FHIP1A: variants seen among roughly 807,000 people sequenced by gnomAD.
FHIP1A encodes the protein FHF complex subunit HOOK-interacting protein 1A.
Under a neutral mutation model 88.6 loss-of-function variants are expected in FHIP1A, and 61 were observed. The observed-to-expected ratio is 0.69, with a 90% CI of 0.56 to 0.85. The LOEUF (loss-of-function observed/expected upper bound fraction) is 0.85. Among genes scored for constraint, FHIP1A ranks in the 40% least tolerant of loss-of-function variants. FHIP1A has a pLI of 0.00. For synonymous variants in FHIP1A, 478 were observed against 496.0 expected, an observed-to-expected ratio of 0.96 and a Z score of 0.48; for missense variants, 1,154 against 1,273.5, an observed-to-expected ratio of 0.91 and a Z score of 1.43.
rs187152765 is a variant in FHIP1A, at chr4:151,587,647, C to A, written c.891+848C>A. Among the ~76,000 whole-genome samples, 856 of 151,690 alleles carry A rather than the reference C, an allele frequency of 5.6e-3. 6 individuals are homozygous for A. The highest frequency in any genetic ancestry group is 7.0e-3 in the Non-Finnish European group (474 of 67,876). ...TTATCATTTAGCATTAGGTATATCT[C>A]CTAAGAAATCAAGTTTTCTTTATAG... is the stretch of plus-strand genomic sequence containing the variant. On this transcript the variant is annotated intron_variant, in intron 6 of 13. Coordinates refer to ENST00000435205, the MANE Select transcript of FHIP1A (RefSeq NM_001109977.3).
intron 5 of FHIP1A, among the ~76,000 whole-genome samples, chr4:151,582,730 G>A (rs1418760262): frequency 6.6e-6 from 1 of 152,136 alleles, no homozygotes; most frequent in Non-Finnish European, 1.5e-5. Context: ...TTAATGTGTT[G>A]GGAATAAATA....
chr4:151,495,200 A>G lies in FHIP1A; in HGVS notation c.-123+12552A>G, dbSNP rs150798950. Among the ~76,000 whole-genome samples, 10 of 152,266 alleles carry G rather than the reference A, an allele frequency of 6.6e-5. No homozygotes were observed. The East Asian group carries it at 1.9e-3, about 29-fold the overall frequency. ...AAAATTGATCAAATTATTAGAAAGT[A>G]TAGAAAAAAGAATGGAAAGGGGCCG... On this transcript the variant is annotated intron_variant, in intron 3 of 13. Coordinates refer to ENST00000435205, the MANE Select transcript of FHIP1A (RefSeq NM_001109977.3).
intron 2 of FHIP1A, among the ~76,000 whole-genome samples, chr4:151,462,134 C>G (rs1444046416): frequency 6.6e-6 from 1 of 152,114 alleles, no homozygotes; most frequent in African/African-American, 2.4e-5. Flanking sequence ...GTACTCCAGC[C>G]TGGGCAACAG....
At chr4:151,500,577 C>T (rs1580638105) in intron 3 of FHIP1A, among the ~76,000 whole-genome samples, 2 of 152,050 alleles carry the variant, frequency 1.3e-5, no homozygotes, top group East Asian at 3.9e-4. Context: ...AAATAATAGT[C>T]TACATACCTC....
intron 3 of FHIP1A, among the ~76,000 whole-genome samples, chr4:151,551,021 C>T (rs953549646): frequency 4.6e-5 from 7 of 152,166 alleles, no homozygotes; most frequent in African/African-American, 1.4e-4. Context: ...GGCTTAATCA[C>T]GGGCAAAGCA....
At chr4:151,430,449 G>T (rs1733549547) in intron 1 of FHIP1A, among the ~76,000 whole-genome samples, 1 of 152,148 alleles carries the variant, frequency 6.6e-6, no homozygotes, top group South Asian at 2.1e-4. Flanking sequence ...TACTATTCAA[G>T]ATTATTTATT....
In FHIP1A at chr4:151,604,012, C is replaced by T. The variant is rs149380186; in HGVS notation, c.978+15086C>T. Among the ~76,000 whole-genome samples, 190 of 152,292 alleles carry T rather than the reference C, an allele frequency of 1.2e-3. 1 individual carries two copies. The highest frequency in any genetic ancestry group is 8.5e-3 in the East Asian group (44 of 5,172). ...CTGAAACCTTAAGTGGCTCCACTTCCTACAATGTTCTTGGTCTACATGCTG... is the reference window on the plus strand; with the variant it reads ...CTGAAACCTTAAGTGGCTCCACTTCTTACAATGTTCTTGGTCTACATGCTG... On this transcript the variant is annotated intron_variant, in intron 7 of 13. Transcript: ENST00000435205.
chr4:151,572,265 C>T (rs192129346), intron 4 of FHIP1A, among the ~76,000 whole-genome samples: 82 of 152,278 alleles, frequency 5.4e-4, no homozygotes, highest in Non-Finnish European at 8.8e-4. Context: ...GTCAGCAGCT[C>T]TCTTACTGTG....
At chr4:151,497,365 T>A (rs1730500235) in intron 3 of FHIP1A, among the ~76,000 whole-genome samples, 1 of 152,210 alleles carries the variant, frequency 6.6e-6, no homozygotes, top group East Asian at 1.9e-4. Flanking sequence ...CTATGGCCCA[T>A]GAACCAAATT....
chr4:151,613,840 T>G (rs954612723), intron 7 of FHIP1A, among the ~76,000 whole-genome samples: 5 of 152,164 alleles, frequency 3.3e-5, no homozygotes, highest in Admixed American at 2.6e-4. Context: ...GAACTTGGGT[T>G]GAGAACCACT....
intron 4 of FHIP1A, among the ~76,000 whole-genome samples, chr4:151,575,338 AC>A (rs1332316726): frequency 1.3e-5 from 2 of 152,170 alleles, no homozygotes; most frequent in Non-Finnish European, 2.9e-5. Context: ...GTCCCTTTGG[AC>A]CAGTGTGGTA....
At chr4:151,592,280 G>T (rs62327266) in intron 7 of FHIP1A, among the ~76,000 whole-genome samples, 1 of 151,864 alleles carries the variant, frequency 6.6e-6, no homozygotes, top group Admixed American at 6.6e-5. Flanking sequence ...GACCACAGGC[G>T]CCCGCCACCA....
chr4:151,645,730 T>A (rs1736768586), intron 9 of FHIP1A, among the ~76,000 whole-genome samples: 2 of 151,878 alleles, frequency 1.3e-5, no homozygotes, highest in South Asian at 4.2e-4. Context: ...ATAAGCAGTA[T>A]GTTTTTTTTC....
chr4:151,523,350 C>T (rs182292385), intron 3 of FHIP1A, among the ~76,000 whole-genome samples: 1 of 152,242 alleles, frequency 6.6e-6, no homozygotes, highest in Admixed American at 6.5e-5. Flanking sequence ...CTTGCTGACA[C>T]AGTGGAATTT....
chr4:151,509,345 T>G (rs1019926431), intron 3 of FHIP1A, among the ~76,000 whole-genome samples: 2 of 151,940 alleles, frequency 1.3e-5, no homozygotes, highest in African/African-American at 4.8e-5. Context: ...TTTTGTATTT[T>G]TAGTAGAGAC....
intron 2 of FHIP1A, among the ~76,000 whole-genome samples, chr4:151,465,137 A>G (rs1172930764): frequency 1.3e-5 from 2 of 152,140 alleles, no homozygotes; most frequent in African/African-American, 4.8e-5. Flanking sequence ...CGTGGCTGCA[A>G]TGAGCTGTGA....
intron 3 of FHIP1A, among the ~76,000 whole-genome samples, chr4:151,489,973 G>A (rs1730224087): frequency 6.6e-6 from 1 of 152,172 alleles, no homozygotes; most frequent in African/African-American, 2.4e-5. Flanking sequence ...CTTTGCCTAT[G>A]TAGGGCAAGG....
intron 3 of FHIP1A, among the ~76,000 whole-genome samples, chr4:151,498,970 G>A (rs1039699060): frequency 6.6e-6 from 1 of 152,262 alleles, no homozygotes; most frequent in East Asian, 1.9e-4. Flanking sequence ...ACACAGAAAG[G>A]CAAATGTATG....
At chr4:151,530,848 A>T (rs190549202) in intron 3 of FHIP1A, among the ~76,000 whole-genome samples, 1 of 152,324 alleles carries the variant, frequency 6.6e-6, no homozygotes, top group East Asian at 1.9e-4. Flanking sequence ...GTACAAAAAC[A>T]CTTAGCATAG....
Sources: allele counts gnomAD v4.1 joint callset (sites outside exome capture counted in the v4.1 genomes callset), GRCh38; gene constraint gnomAD v4.1.1; transcripts MANE v1.5; gene names NCBI Gene and HGNC (gene_info 2026-07-23, HGNC 2026-07-21).